LRRK2: variants seen among roughly 807,000 people sequenced by gnomAD.
The protein encoded by LRRK2 is leucine rich repeat kinase 2.
LRRK2 carries 203 observed loss-of-function variants against 302.6 expected under a neutral mutation model. The ratio of observed to expected loss-of-function variants is 0.67; its 90% CI spans 0.60 to 0.75. LRRK2 has a LOEUF of 0.75. Ranked by LOEUF, LRRK2 falls within the 30% of genes least tolerant of loss-of-function variation. LRRK2 has a pLI of 0.00. For synonymous variants in LRRK2, 1,066 were observed against 1,031.9 expected, an observed-to-expected ratio of 1.03 and a Z score of -0.63; for missense variants, 2,830 against 2,951.0, an observed-to-expected ratio of 0.96 and a Z score of 0.95.
chr12:40,275,247 C>G (rs1408771475), intron 16 of LRRK2, among the ~76,000 whole-genome samples: 1 of 152,144 alleles, frequency 6.6e-6, no homozygotes, highest in African/African-American at 2.4e-5. Flanking sequence ...AGAGAATGTG[C>G]TAAGAAATCC....
chr12:40,356,288 G>A (rs1946536802), intron 46 of LRRK2, 101 bp downstream of exon 46: 2 of 807,534 alleles, frequency 2.5e-6, no homozygotes, highest in African/African-American at 1.7e-5. Flanking sequence ...CTGAGAGCAA[G>A]AATCATAAAT....
At chr12:40,229,871 C>A (rs999997299) in intron 2 of LRRK2, among the ~76,000 whole-genome samples, 3 of 150,318 alleles carry the variant, frequency 2.0e-5, no homozygotes, top group Non-Finnish European at 4.4e-5. Flanking sequence ...TTTACTGATA[C>A]TGTTGCTTCA....
chr12:40,319,347 C>T (rs1945328617), intron 33 of LRRK2, among the ~76,000 whole-genome samples: 1 of 151,996 alleles, frequency 6.6e-6, no homozygotes, highest in Admixed American at 6.6e-5. Flanking sequence ...GGATTTGAAT[C>T]TGGGTTCTGA....
chr12:40,367,956 T>C lies in LRRK2; in HGVS notation c.*191T>C. 4 of 396,864 alleles carry C rather than the reference T, an allele frequency of 1.0e-5. No homozygotes were observed. The highest frequency in any genetic ancestry group is 8.6e-5 in the East Asian group (2 of 23,148). The allele number at this position is 396,864 out of a possible 1,614,324, so 24.6% of individuals were successfully genotyped here. The stretch of plus-strand genomic sequence containing the variant: ...AGTAAATGTGTATTTTAAAGAACTA[T>C]TTAAAACACAATGTTATATTTCTTA... On this transcript the variant is annotated 3_prime_UTR_variant, in exon 51 of 51. Transcript: ENST00000298910.
chr12:40,259,766 A>G (rs1592176647), intron 13 of LRRK2, among the ~76,000 whole-genome samples, 162 bp downstream of exon 13: 1 of 152,174 alleles, frequency 6.6e-6, no homozygotes, highest in South Asian at 2.1e-4. Context: ...GATGCAGAAG[A>G]GTCACTTAGA....
chr12:40,225,727 C>A, intron 2 of LRRK2, 87 bp downstream of exon 2: 1 of 1,241,562 alleles, frequency 8.1e-7, no homozygotes, highest in Non-Finnish European at 1.2e-6. Context: ...GCCGAGAGTT[C>A]TTGGTTATTC....
chr12:40,232,885 T>C (rs946138019), intron 3 of LRRK2: 1 of 152,682 alleles, frequency 6.5e-6, no homozygotes, highest in African/African-American at 2.4e-5. Flanking sequence ...AAGAGGAAAT[T>C]AACTTTCAGC....
At chr12:40,261,256 C>G (rs1417138162) in intron 13 of LRRK2, among the ~76,000 whole-genome samples, 1 of 152,078 alleles carries the variant, frequency 6.6e-6, no homozygotes, top group Admixed American at 6.6e-5. Context: ...CAGCCTTATT[C>G]TTTTGAGGGA....
chr12:40,280,756 C>A (rs1414115905), intron 18 of LRRK2, among the ~76,000 whole-genome samples: 1 of 151,990 alleles, frequency 6.6e-6, no homozygotes, highest in Non-Finnish European at 1.5e-5. Flanking sequence ...GCCTTGGTGA[C>A]AGAGGGAGAC....
At chr12:40,323,375 A>T (rs1372504704) in intron 38 of LRRK2, 69 bp downstream of exon 38, 18 of 1,292,284 alleles carry the variant, frequency 1.4e-5, no homozygotes, top group Non-Finnish European at 1.1e-6. Context: ...TAGAAAATAG[A>T]TTTCATAATT....
At position 40,243,599 on chromosome 12, in the gene LRRK2, T is replaced by C. The variant is rs200006488; in HGVS notation, c.756T>C (p.Ile252=). ...GTGGCAATGTCAGGTGTTATAATATTGTGGTGGAAGCTATGAAAGCATTCC... is the reference window on the plus strand; with the variant it reads ...GTGGCAATGTCAGGTGTTATAATATCGTGGTGGAAGCTATGAAAGCATTCC... ...LMSGNVRCYN[I]VVEAMKAFPM... The change falls in exon 7 of 51, where the codon ATT becomes ATC. Residue 252 remains isoleucine, a synonymous_variant. Transcript: ENST00000298910. 8.1e-6 allele frequency: 13 copies of C among 1,612,268 alleles called. No individual in the cohort carries two copies. Among genetic ancestry groups the C allele is most frequent in the Non-Finnish European group, 1.1e-5 (13 of 1,178,776 alleles).
intron 8 of LRRK2, 87 bp from the exon 9 acceptor site, chr12:40,251,145 T>TTACC: frequency 6.8e-6 from 6 of 884,974 alleles, no homozygotes; most frequent in Non-Finnish European, 1.0e-5. Flanking sequence ...CTGTTGGTAA[T>TTACC]ATTTCAAAAT....
chr12:40,260,860 G>A (rs1942739664), intron 13 of LRRK2, among the ~76,000 whole-genome samples: 1 of 152,126 alleles, frequency 6.6e-6, no homozygotes, highest in Non-Finnish European at 1.5e-5. Context: ...TATGAGGGAT[G>A]ATACTTTGTT....
intron 13 of LRRK2, among the ~76,000 whole-genome samples, chr12:40,261,492 C>T (rs1418618836): frequency 6.6e-6 from 1 of 152,030 alleles, no homozygotes; most frequent in East Asian, 1.9e-4. Context: ...TAAAAAAATA[C>T]ATTTTATAAG....
chr12:40,351,258 G>A (rs1367243984), intron 43 of LRRK2, among the ~76,000 whole-genome samples: 3 of 152,060 alleles, frequency 2.0e-5, no homozygotes, highest in South Asian at 2.1e-4. Flanking sequence ...TCCTGACTCC[G>A]CTAAAATCCT....
At chr12:40,288,868 T>G (rs1944033710) in intron 20 of LRRK2, among the ~76,000 whole-genome samples, 1 of 151,920 alleles carries the variant, frequency 6.6e-6, no homozygotes, top group Non-Finnish European at 1.5e-5. Flanking sequence ...TGTCTTTTCA[T>G]TTTACTAATT....
intron 2 of LRRK2, 94 bp from the exon 3 acceptor site, chr12:40,232,180 C>G: frequency 1.1e-6 from 1 of 879,906 alleles, no homozygotes; most frequent in East Asian, 2.4e-5. Flanking sequence ...AGATAAGCAT[C>G]TATTCCACTA....
intron 23 of LRRK2, 101 bp from the exon 24 acceptor site, chr12:40,298,142 T>A (rs1944453065): frequency 1.6e-6 from 2 of 1,242,562 alleles, no homozygotes; most frequent in Admixed American, 4.1e-5. Context: ...TTGAAAATTC[T>A]TGATGGTTCT....
intron 26 of LRRK2, among the ~76,000 whole-genome samples, chr12:40,303,613 C>T (rs1295522355): frequency 6.6e-6 from 1 of 152,004 alleles, no homozygotes; most frequent in Non-Finnish European, 1.5e-5. Flanking sequence ...GTTACACAAA[C>T]CTATAATAGC....
Sources: gnomAD v4.1 joint callset for allele counts (sites outside exome capture counted in the v4.1 genomes callset) on GRCh38, gnomAD v4.1.1 for gene constraint, MANE v1.5 for transcripts, NCBI Gene and HGNC (gene_info 2026-07-23, HGNC 2026-07-21) for gene names.